Variants in SPAG16 observed in about 807,000 individuals in gnomAD.
SPAG16 encodes sperm associated antigen 16, also known as sperm-associated antigen 16 protein.
Under a neutral mutation model 80.4 loss-of-function variants are expected in SPAG16, and 86 were observed. That is an observed-to-expected ratio of 1.07 (90% CI 0.90 to 1.28). The LOEUF is 1.28. Ranked by LOEUF, SPAG16 falls within the 50% of genes most tolerant of loss-of-function variation. SPAG16 has a pLI of 0.00. For missense variants in SPAG16, 870 were observed against 765.3 expected (o/e 1.14, Z -1.61); for synonymous variants, 294 against 265.9 (o/e 1.11, Z -1.03).
chr2:213,410,128 C>G (rs920007651), intron 9 of SPAG16, among the ~76,000 whole-genome samples: 5 of 152,008 alleles, frequency 3.3e-5, no homozygotes, highest in Non-Finnish European at 5.9e-5. Flanking sequence ...ATGTGCCACC[C>G]CCTCCAGAGT....
chr2:213,364,561 CT>C (rs1217178614), intron 8 of SPAG16: 1 of 153,774 alleles, frequency 6.5e-6, no homozygotes, highest in Non-Finnish European at 1.5e-5. Context: ...CCAAACTGAG[CT>C]TTGTGGAGAT....
intron 10 of SPAG16, among the ~76,000 whole-genome samples, chr2:213,605,260 T>C (rs533075258): frequency 1.4e-5 from 2 of 146,612 alleles, no homozygotes; most frequent in South Asian, 2.1e-4. Context: ...ATAAATACTT[T>C]GGAATGCATT....
At chr2:213,880,248 A>G (rs973793761) in intron 11 of SPAG16, among the ~76,000 whole-genome samples, 2 of 152,088 alleles carry the variant, frequency 1.3e-5, no homozygotes, top group African/African-American at 2.4e-5. Context: ...GCATTTTTTC[A>G]TGTGTATTGG....
At position 213,855,444 on chromosome 2, in the gene SPAG16, G is replaced by A. The variant is rs550191443; in HGVS notation, c.1071-7041G>A. On this transcript the variant is annotated intron_variant, in intron 10 of 15. Transcript: ENST00000331683. ...CCAGTTCCTCCACCTGGAAAAATGG[G>A]GATAGTGGTAAACGTAACTCATAGG... Among the ~76,000 whole-genome samples, 3 of 152,258 alleles carry A rather than the reference G, an allele frequency of 2.0e-5. No individual in the cohort carries two copies. The South Asian group carries it at 6.2e-4, about 32-fold the overall frequency.
At chr2:214,264,939 G>T (rs1447346213) in intron 15 of SPAG16, among the ~76,000 whole-genome samples, 1 of 152,026 alleles carries the variant, frequency 6.6e-6, no homozygotes, top group Non-Finnish European at 1.5e-5. Flanking sequence ...GTTCCCCTAT[G>T]TCTCTTCATG....
At position 214,045,984 on chromosome 2, in the gene SPAG16, G is replaced by A. The variant is rs192456656; in HGVS notation, c.1527+31907G>A. 4.5e-3 allele frequency among the ~76,000 whole-genome samples: 683 copies of A among 151,934 alleles called. 4 individuals are homozygous for A. Among genetic ancestry groups the A allele is most frequent in the Middle Eastern group, 0.01 (3 of 294 alleles). ...AGACTAAGTAAAAAAGAGAGAAGAT[G>A]CAAATAAATAAAATCTGAAATGAAA... On this transcript the variant is annotated intron_variant, in intron 13 of 15. Transcript: ENST00000331683.
intron 15 of SPAG16, among the ~76,000 whole-genome samples, chr2:214,396,054 G>T (rs920883679): frequency 1.3e-5 from 2 of 152,134 alleles, no homozygotes; most frequent in Non-Finnish European, 2.9e-5. Context: ...CCAATAATGG[G>T]ATTGCTGGGT....
chr2:213,325,845 G>A (rs1345721032), intron 5 of SPAG16, among the ~76,000 whole-genome samples: 2 of 151,904 alleles, frequency 1.3e-5, no homozygotes, highest in Non-Finnish European at 2.9e-5. Context: ...TAGAGACTAT[G>A]TTTTGTGTTC....
intron 15 of SPAG16, among the ~76,000 whole-genome samples, chr2:214,236,950 T>C (rs1689122287): frequency 6.6e-6 from 1 of 152,204 alleles, no homozygotes; most frequent in Non-Finnish European, 1.5e-5. Context: ...ACTCATTTTA[T>C]TTATGGAACG....
At chr2:213,783,159 G>A (rs1387552014) in intron 10 of SPAG16, among the ~76,000 whole-genome samples, 1 of 146,210 alleles carries the variant, frequency 6.8e-6, no homozygotes, top group Non-Finnish European at 1.5e-5. Flanking sequence ...TTGGTTTTTT[G>A]TTCTTGCGAT....
At chr2:213,450,536 A>G (rs923970283) in intron 9 of SPAG16, among the ~76,000 whole-genome samples, 8 of 152,216 alleles carry the variant, frequency 5.3e-5, no homozygotes, top group Non-Finnish European at 1.0e-4. Context: ...GTGATTTCAT[A>G]AAGTTTTTAT....
intron 12 of SPAG16, among the ~76,000 whole-genome samples, chr2:213,947,672 T>A (rs1161745324): frequency 6.6e-6 from 1 of 152,122 alleles, no homozygotes; most frequent in African/African-American, 2.4e-5. Context: ...TGAAAATTTG[T>A]AAGCAAAACT....
intron 15 of SPAG16, among the ~76,000 whole-genome samples, chr2:214,294,990 T>C (rs1187984019): frequency 3.9e-5 from 6 of 152,262 alleles, no homozygotes; most frequent in Non-Finnish European, 8.8e-5. Context: ...CCTGTATCCC[T>C]GTATGAGCAC....
At chr2:213,975,094 T>C (rs2045297602) in intron 12 of SPAG16, among the ~76,000 whole-genome samples, 1 of 151,348 alleles carries the variant, frequency 6.6e-6, no homozygotes, top group Non-Finnish European at 1.5e-5. Context: ...ATATAATTAA[T>C]AGTAGCAAGA....
At chr2:213,749,063 C>T (rs1220155090) in intron 10 of SPAG16, among the ~76,000 whole-genome samples, 4 of 152,094 alleles carry the variant, frequency 2.6e-5, no homozygotes, top group Admixed American at 2.6e-4. Flanking sequence ...AGGAGCATTG[C>T]TTGAACCCGG....
chr2:213,832,280 G>C (rs1334253110), intron 10 of SPAG16, among the ~76,000 whole-genome samples: 2 of 152,084 alleles, frequency 1.3e-5, no homozygotes, highest in Non-Finnish European at 2.9e-5. Context: ...ACAGGCATGA[G>C]CCACCATGCC....
chr2:214,281,070 A>G, intron 15 of SPAG16: 1 of 385,474 alleles, frequency 2.6e-6, no homozygotes, highest in Non-Finnish European at 5.0e-6. Context: ...TAGTTCTGGC[A>G]AGGCCTTCAT....
At chr2:213,462,026 G>T (rs2072398907) in intron 9 of SPAG16, among the ~76,000 whole-genome samples, 1 of 152,124 alleles carries the variant, frequency 6.6e-6, no homozygotes, top group South Asian at 2.1e-4. Context: ...TCATAAATGA[G>T]ATGTTGAAAA....
intron 10 of SPAG16, among the ~76,000 whole-genome samples, chr2:213,800,754 C>T (rs1354017984): frequency 6.6e-6 from 1 of 152,090 alleles, no homozygotes; most frequent in East Asian, 1.9e-4. Context: ...AATCTCATAC[C>T]AAATTTGTAG....
Sources: allele counts gnomAD v4.1 joint callset (sites outside exome capture counted in the v4.1 genomes callset), GRCh38; gene constraint gnomAD v4.1.1; transcripts MANE v1.5; gene names NCBI Gene and HGNC (gene_info 2026-07-23, HGNC 2026-07-21).